SLIT3: variants seen among roughly 807,000 people sequenced by gnomAD.
SLIT3 encodes slit guidance ligand 3, also known as slit homolog 3 protein.
SLIT3 carries 68 observed loss-of-function variants against 184.0 expected under a neutral mutation model. That is an observed-to-expected ratio of 0.37 (90% confidence interval 0.30 to 0.45). The LOEUF (loss-of-function observed/expected upper bound fraction) is 0.45. Ranked by LOEUF, SLIT3 falls within the 20% of genes least tolerant of loss-of-function variation. SLIT3 has a pLI of 1.00. For synonymous variants in SLIT3, 831 were observed against 828.6 expected (o/e 1.00, Z -0.05); for missense variants, 1,707 against 2,026.0 (o/e 0.84, Z 3.02).
intron 4 of SLIT3, among the ~76,000 whole-genome samples, chr5:169,095,379 G>GA: frequency 6.6e-6 from 1 of 152,066 alleles, no homozygotes; most frequent in Non-Finnish European, 1.5e-5. Context: ...CACCCCTAAT[G>GA]AAAAAATCCA....
chr5:168,855,834 A>AC (rs1233770281), intron 5 of SLIT3, among the ~76,000 whole-genome samples: 1 of 152,138 alleles, frequency 6.6e-6, no homozygotes, highest in Admixed American at 6.6e-5. Flanking sequence ...GCCTAAACTG[A>AC]CATTTTTTCC....
chr5:169,152,889 A>G (rs1321659504), intron 4 of SLIT3, among the ~76,000 whole-genome samples: 1 of 152,210 alleles, frequency 6.6e-6, no homozygotes, highest in East Asian at 1.9e-4. Context: ...CCTGGACCCA[A>G]GGAAGCAGCC....
chr5:168,683,233 G>A (rs1230640736), intron 32 of SLIT3, among the ~76,000 whole-genome samples: 2 of 152,056 alleles, frequency 1.3e-5, no homozygotes, highest in African/African-American at 4.8e-5. Flanking sequence ...AGGCATGGTG[G>A]CATGAACCTG....
At chr5:169,286,389 C>T (rs1413157751) in intron 1 of SLIT3, among the ~76,000 whole-genome samples, 1 of 152,110 alleles carries the variant, frequency 6.6e-6, no homozygotes, top group Non-Finnish European at 1.5e-5. Context: ...TAATCAAGGA[C>T]CAGCCACTTC....
At chr5:168,879,010 T>C (rs1212444164) in intron 5 of SLIT3, among the ~76,000 whole-genome samples, 1 of 152,208 alleles carries the variant, frequency 6.6e-6, no homozygotes, top group Non-Finnish European at 1.5e-5. Context: ...CCACCACACC[T>C]GGCCACAGCC....
intron 4 of SLIT3, among the ~76,000 whole-genome samples, chr5:169,153,783 AC>A (rs774383708): frequency 6.6e-6 from 1 of 152,098 alleles, no homozygotes; most frequent in Non-Finnish European, 1.5e-5. Context: ...TTTTAGCTCA[AC>A]TTTTGCCTTC....
At chr5:169,071,769 A>G (rs1010476703) in intron 4 of SLIT3, among the ~76,000 whole-genome samples, 1 of 152,198 alleles carries the variant, frequency 6.6e-6, no homozygotes, top group East Asian at 1.9e-4. Flanking sequence ...TACCACAATG[A>G]CTGCTTGGCC....
chr5:169,158,824 A>G lies in SLIT3; in HGVS notation c.413+34655T>C, dbSNP rs187330144. ...AAAATGCTATACAGAAAAAGAATCA[A>G]AAACCTATAAATAAATCAAAATGGA... On this transcript the variant is annotated intron_variant, in intron 4 of 35. Transcript: ENST00000519560. 6.3e-4 allele frequency among the ~76,000 whole-genome samples: 96 copies of G among 152,358 alleles called. No homozygotes were observed. In the East Asian group the frequency reaches 0.018, roughly 28 times the overall value.
intron 4 of SLIT3, among the ~76,000 whole-genome samples, chr5:168,885,578 T>G (rs1467577062): frequency 2.0e-5 from 3 of 152,308 alleles, no homozygotes; most frequent in Non-Finnish European, 4.4e-5. Flanking sequence ...TTCTGCCAAA[T>G]GAAGCTGGTC....
At chr5:169,151,252 T>TG (rs1358747383) in intron 4 of SLIT3, among the ~76,000 whole-genome samples, 2 of 152,144 alleles carry the variant, frequency 1.3e-5, no homozygotes, top group African/African-American at 4.8e-5. Context: ...ATTAAATGCA[T>TG]CATTTGCAGC....
In SLIT3 at chr5:168,683,966, C is replaced by A; in HGVS notation, c.3686G>T (p.Ser1229Ile). ...SLSSPPTTVYSVETVNDGQFH... is the reference protein window; with the variant it reads ...SLSSPPTTVYIVETVNDGQFH... ...GGTCAGGAGGGAGAGAGGCCCTTAC[C>A]TGTACACTGTGGTTGGAGGGGAACT... The change falls in exon 32 of 36, where the codon AGT becomes ATT. Residue 1229 changes from serine to isoleucine, a missense_variant and splice_region_variant. Transcript: ENST00000519560. 6.4e-7 allele frequency: 1 copy of A among 1,574,356 alleles called. No homozygotes were observed.
At chr5:168,669,736 C>CAACT in intron 35 of SLIT3, 47 bp downstream of exon 35, 1 of 1,505,426 alleles carries the variant, frequency 6.6e-7, no homozygotes, top group Non-Finnish European at 9.2e-7. Flanking sequence ...ATGTGAAGTC[C>CAACT]AACTCTGACC....
At chr5:169,203,548 CT>C (rs1462569623) in intron 3 of SLIT3, among the ~76,000 whole-genome samples, 2 of 152,202 alleles carry the variant, frequency 1.3e-5, no homozygotes, top group African/African-American at 4.8e-5. Flanking sequence ...AAGCAGACAA[CT>C]CCCCAGATTC....
At chr5:169,225,232 C>A (rs1764762679) in intron 3 of SLIT3, among the ~76,000 whole-genome samples, 1 of 152,190 alleles carries the variant, frequency 6.6e-6, no homozygotes, top group Non-Finnish European at 1.5e-5. Flanking sequence ...AGGGGTGTGG[C>A]CCCACAAGGT....
chr5:169,069,898 C>T lies in SLIT3; in HGVS notation c.413+123581G>A, dbSNP rs17667246. Among the ~76,000 whole-genome samples, 3,130 of 152,112 alleles carry T rather than the reference C, an allele frequency of 0.021. 178 individuals are homozygous for T. The East Asian group carries it at 0.23, about 11-fold the overall frequency. ...GAGAGTCTGGGTAGTGGGGAACCCTCGGAAAGATCTTCAGATGTTAAGTGG... is the reference window on the plus strand; with the variant it reads ...GAGAGTCTGGGTAGTGGGGAACCCTTGGAAAGATCTTCAGATGTTAAGTGG... On this transcript the variant is annotated intron_variant, in intron 4 of 35. Transcript: ENST00000519560.
intron 4 of SLIT3, among the ~76,000 whole-genome samples, chr5:168,945,066 A>G (rs933334648): frequency 2.6e-5 from 4 of 152,138 alleles, no homozygotes; most frequent in African/African-American, 9.7e-5. Flanking sequence ...TCAGCTCAGA[A>G]GATTGGCAAC....
At chr5:169,273,640 T>A (rs1486210187) in intron 1 of SLIT3, among the ~76,000 whole-genome samples, 1 of 152,144 alleles carries the variant, frequency 6.6e-6, no homozygotes, top group Non-Finnish European at 1.5e-5. Flanking sequence ...GGGTTGAGAA[T>A]CATTGTTGGA....
At chr5:169,044,110 G>A (rs559048971) in intron 4 of SLIT3, among the ~76,000 whole-genome samples, 1 of 152,308 alleles carries the variant, frequency 6.6e-6, no homozygotes, top group Non-Finnish European at 1.5e-5. Flanking sequence ...CCACCAGGAT[G>A]TCTATGCTAA....
chr5:168,883,256 A>T lies in SLIT3; in HGVS notation c.485+9T>A. The T allele has an allele frequency of 6.2e-7, 1 of 1,612,326 alleles. No individual in the cohort carries two copies. ...ACATACGTAGTGAAGCAAGGAAAACATCACTTACAGGTTCTTCACATCGGT... is the reference window on the plus strand; with the variant it reads ...ACATACGTAGTGAAGCAAGGAAAACTTCACTTACAGGTTCTTCACATCGGT... On this transcript the variant is annotated intron_variant, in intron 5 of 35. Coordinates refer to ENST00000519560, the MANE Select transcript of SLIT3 (RefSeq NM_003062.4).
Sources: gnomAD v4.1 joint callset for allele counts (sites outside exome capture counted in the v4.1 genomes callset) on GRCh38, gnomAD v4.1.1 for gene constraint, MANE v1.5 for transcripts, NCBI Gene and HGNC (gene_info 2026-07-23, HGNC 2026-07-21) for gene names.